SGCD: variants seen among roughly 807,000 people sequenced by gnomAD.
SGCD encodes the protein delta-sarcoglycan.
A neutral mutation model predicts 36.6 loss-of-function variants in SGCD; 18 were observed. The observed-to-expected ratio is 0.49, with a 90% CI of 0.34 to 0.73. SGCD has a LOEUF of 0.73. SGCD is among the 30% of genes least tolerant of loss of function. The pLI, the probability that SGCD is intolerant of heterozygous loss-of-function variation, is 0.01. For synonymous variants in SGCD, 133 were observed against 130.6 expected, an observed-to-expected ratio of 1.02 and a Z score of -0.12; for missense variants, 387 against 346.7, an observed-to-expected ratio of 1.12 and a Z score of -0.92.
chr5:156,485,561 G>A (rs1755622386), intron 3 of SGCD, among the ~76,000 whole-genome samples: 1 of 152,084 alleles, frequency 6.6e-6, no homozygotes, highest in Admixed American at 6.6e-5. Context: ...TACTGGGAAG[G>A]CCGAAGCTGG....
chr5:156,480,489 T>C (rs1755376914), intron 3 of SGCD, among the ~76,000 whole-genome samples: 1 of 152,150 alleles, frequency 6.6e-6, no homozygotes, highest in Non-Finnish European at 1.5e-5. Flanking sequence ...CCAACTTATT[T>C]CACATGCCCA....
At chr5:156,218,325 A>T (rs540159558) in intron 3 of SGCD, among the ~76,000 whole-genome samples, 1 of 152,208 alleles carries the variant, frequency 6.6e-6, no homozygotes, top group Non-Finnish European at 1.5e-5. Flanking sequence ...GATATTACAT[A>T]TATCACTCTT....
chr5:155,965,034 G>A (rs986571717), intron 1 of SGCD, among the ~76,000 whole-genome samples: 1 of 152,036 alleles, frequency 6.6e-6, no homozygotes, highest in Non-Finnish European at 1.5e-5. Context: ...CTGGGTGCAG[G>A]GGGATGAAGA....
intron 1 of SGCD, among the ~76,000 whole-genome samples, chr5:156,010,255 T>A (rs1758832890): frequency 6.6e-6 from 1 of 152,220 alleles, no homozygotes; most frequent in African/African-American, 2.4e-5. Flanking sequence ...GTTGATTAAA[T>A]AACATCTTAA....
chr5:156,735,269 A>T (rs543989155), intron 7 of SGCD, among the ~76,000 whole-genome samples: 1 of 152,194 alleles, frequency 6.6e-6, no homozygotes, highest in East Asian at 1.9e-4. Context: ...GGGGTCAGGG[A>T]CCTTCTGTGC....
At chr5:156,349,601 G>A (rs921820576) in intron 3 of SGCD, among the ~76,000 whole-genome samples, 1 of 151,946 alleles carries the variant, frequency 6.6e-6, no homozygotes, top group African/African-American at 2.4e-5. Flanking sequence ...AATAGATGTT[G>A]GTTTGGATGT....
At chr5:156,136,750 T>C (rs1581121803) in intron 3 of SGCD, among the ~76,000 whole-genome samples, 1 of 152,186 alleles carries the variant, frequency 6.6e-6, no homozygotes, top group Non-Finnish European at 1.5e-5. Flanking sequence ...ATCATTGATA[T>C]CTGAGATTTT....
At chr5:156,397,671 C>T (rs1165469430) in intron 3 of SGCD, among the ~76,000 whole-genome samples, 3 of 152,136 alleles carry the variant, frequency 2.0e-5, no homozygotes, top group East Asian at 1.9e-4. Flanking sequence ...CCTGTCTCCC[C>T]GAGCAGCTTA....
intron 4 of SGCD, among the ~76,000 whole-genome samples, chr5:156,574,240 C>T (rs1425820920): frequency 6.6e-6 from 1 of 152,148 alleles, no homozygotes; most frequent in Non-Finnish European, 1.5e-5. Context: ...TTAATCACTA[C>T]ATAGAAAGCA....
At chr5:156,341,710 T>A (rs953539341) in intron 2 of SGCD, among the ~76,000 whole-genome samples, 2 of 152,124 alleles carry the variant, frequency 1.3e-5, no homozygotes, top group Non-Finnish European at 1.5e-5. Flanking sequence ...TAAAATTTTA[T>A]TTACTTATTT....
chr5:155,973,338 T>A (rs548935458), intron 1 of SGCD, among the ~76,000 whole-genome samples: 1 of 152,324 alleles, frequency 6.6e-6, no homozygotes, highest in African/African-American at 2.4e-5. Flanking sequence ...GACTCATTTT[T>A]AAACATATTC....
At chr5:156,713,994 C>T (rs157352) in intron 7 of SGCD, among the ~76,000 whole-genome samples, 106,724 of 152,148 alleles carry the variant, frequency 0.7, 38,564 homozygotes, top group Middle Eastern at 0.8. Flanking sequence ...GTTTCCTATT[C>T]ACTCCAGCAT....
the SGCD span, among the ~76,000 whole-genome samples, chr5:155,840,051 A>T: frequency 6.6e-6 from 1 of 151,500 alleles, no homozygotes; most frequent in Non-Finnish European, 1.5e-5. Flanking sequence ...TGGTTTACCA[A>T]AGAAATGATA....
chr5:155,950,273 C>A (rs1581007935), intron 1 of SGCD, among the ~76,000 whole-genome samples: 1 of 152,238 alleles, frequency 6.6e-6, no homozygotes, highest in African/African-American at 2.4e-5. Context: ...TCTAGTGTTT[C>A]TCTCCAGACC....
chr5:156,636,105 C>A (rs1030073830), intron 6 of SGCD, among the ~76,000 whole-genome samples: 1 of 152,126 alleles, frequency 6.6e-6, no homozygotes, highest in Non-Finnish European at 1.5e-5. Context: ...AGCCAAAAAT[C>A]TGTCACACTG....
chr5:156,325,652 T>A (rs909274449), upstream of SGCD, among the ~76,000 whole-genome samples: 1 of 152,206 alleles, frequency 6.6e-6, no homozygotes, highest in Admixed American at 6.5e-5. Flanking sequence ...CCAATCCCAT[T>A]TCTAGCTTCA....
Position 155,976,442 on chromosome 5 carries a change from A to T in SGCD, c.-282+106018A>T, listed in dbSNP as rs1450347846. ...AATGCCAGATCCAGGATTCCAAGTT[A>T]TGTATAACTCTCTCCAGAACCAAAG... On this transcript the variant is annotated intron_variant, in intron 1 of 9. Coordinates refer to the SGCD transcript ENST00000517913. Among the ~76,000 whole-genome samples, 4 of 152,228 alleles carry T rather than the reference A, an allele frequency of 2.6e-5. No individual in the cohort carries two copies. The East Asian group carries it at 7.7e-4, about 29-fold the overall frequency.
intron 3 of SGCD, among the ~76,000 whole-genome samples, chr5:156,133,464 T>C (rs1762375836): frequency 6.6e-6 from 1 of 152,162 alleles, no homozygotes; most frequent in Non-Finnish European, 1.5e-5. Flanking sequence ...TTATTCTCAT[T>C]TTATGGATGA....
At chr5:156,472,032 G>A (rs1754993575) in intron 3 of SGCD, among the ~76,000 whole-genome samples, 1 of 152,070 alleles carries the variant, frequency 6.6e-6, no homozygotes, top group South Asian at 2.1e-4. Context: ...TTACTCATTA[G>A]GGTTATTCAA....
Sources: gnomAD v4.1 joint callset for allele counts (sites outside exome capture counted in the v4.1 genomes callset) on GRCh38, gnomAD v4.1.1 for gene constraint, MANE v1.5 for transcripts, NCBI Gene and HGNC (gene_info 2026-07-23, HGNC 2026-07-21) for gene names.